Variants in TENM2 observed in about 807,000 individuals in gnomAD.
TENM2 encodes teneurin-2.
In TENM2, 52 loss-of-function variants were observed where a neutral mutation model predicts 245.2. That is an observed-to-expected ratio of 0.21 (90% CI 0.17 to 0.27). TENM2 has a LOEUF of 0.27. Ranked by LOEUF, TENM2 falls within the 10% of genes least tolerant of loss-of-function variation. The pLI, the probability that TENM2 is intolerant of heterozygous loss-of-function variation, is 1.00. For missense variants in TENM2, 3,046 were observed against 3,666.8 expected, an observed-to-expected ratio of 0.83 and a Z score of 4.37; for synonymous variants, 1,363 against 1,438.9, an observed-to-expected ratio of 0.95 and a Z score of 1.19.
the TENM2 span, among the ~76,000 whole-genome samples, chr5:167,254,394 A>T: frequency 9.2e-5 from 14 of 152,272 alleles, no homozygotes; most frequent in East Asian, 2.7e-3. Context: ...TGTGCGTCAC[A>T]TGGAGATGAA....
At chr5:168,055,879 C>T (rs1470069524) in intron 6 of TENM2, among the ~76,000 whole-genome samples, 2 of 152,174 alleles carry the variant, frequency 1.3e-5, no homozygotes, top group Admixed American at 1.3e-4. Flanking sequence ...GGATTCAAAC[C>T]CAGGCTGACT....
At chr5:167,499,997 G>A (rs961245148) in intron 2 of TENM2, among the ~76,000 whole-genome samples, 1 of 127,304 alleles carries the variant, frequency 7.9e-6, no homozygotes, top group African/African-American at 3.0e-5. Context: ...TGTATGTGAG[G>A]GTGTATGTGT....
At chr5:167,828,666 T>A (rs896645930) in intron 2 of TENM2, among the ~76,000 whole-genome samples, 3 of 152,200 alleles carry the variant, frequency 2.0e-5, no homozygotes, top group Non-Finnish European at 2.9e-5. Context: ...CGAAAAAATA[T>A]ATTTATTTTT....
the TENM2 span, among the ~76,000 whole-genome samples, chr5:167,066,554 C>G: frequency 1.3e-5 from 2 of 148,536 alleles, no homozygotes; most frequent in Non-Finnish European, 3.0e-5. Context: ...ACAACAGTCC[C>G]CGGAGTGTGA....
At chr5:168,064,610 C>T (rs1790335938) in intron 7 of TENM2, among the ~76,000 whole-genome samples, 1 of 152,216 alleles carries the variant, frequency 6.6e-6, no homozygotes, top group Non-Finnish European at 1.5e-5. Flanking sequence ...TGTGGCTACG[C>T]CACACTGTCC....
At chr5:167,634,945 G>A (rs1779100836) in intron 2 of TENM2, among the ~76,000 whole-genome samples, 1 of 152,008 alleles carries the variant, frequency 6.6e-6, no homozygotes, top group Non-Finnish European at 1.5e-5. Context: ...TCAGTTGATG[G>A]GTCCATGGTT....
intron 5 of TENM2, among the ~76,000 whole-genome samples, chr5:168,037,168 C>CT (rs529505301): frequency 2.6e-3 from 390 of 152,144 alleles, no homozygotes; most frequent in Non-Finnish European, 4.5e-3. Context: ...TAATACAGGA[C>CT]TTTTTTTTAT....
intron 1 of TENM2, among the ~76,000 whole-genome samples, chr5:167,293,368 A>AT (rs199972172): frequency 0.023 from 3,057 of 130,460 alleles, 45 homozygotes; most frequent in African/African-American, 0.042. Context: ...TGTCCGGCTA[A>AT]TTTTTTTTTT....
At chr5:167,166,848 G>A in the TENM2 span, among the ~76,000 whole-genome samples, 1 of 152,132 alleles carries the variant, frequency 6.6e-6, no homozygotes, top group Admixed American at 6.5e-5. Context: ...AGCACAGGGA[G>A]TCAGAGAATA....
chr5:168,080,884 A>G (rs1387456748), intron 7 of TENM2, among the ~76,000 whole-genome samples: 1 of 152,142 alleles, frequency 6.6e-6, no homozygotes, highest in African/African-American at 2.4e-5. Flanking sequence ...GTGTGATGTG[A>G]TGCTGAGAAG....
chr5:167,769,160 G>C (rs1444976176), intron 2 of TENM2, among the ~76,000 whole-genome samples: 6 of 152,148 alleles, frequency 3.9e-5, no homozygotes. Flanking sequence ...AGCTCATCTA[G>C]ACAAGTTTAT....
intron 2 of TENM2, among the ~76,000 whole-genome samples, chr5:167,831,661 A>T (rs1768507325): frequency 6.6e-6 from 1 of 152,006 alleles, no homozygotes; most frequent in African/African-American, 2.4e-5. Flanking sequence ...GGAAATAAGA[A>T]CCTTGCGGAC....
At chr5:168,004,424 A>G (rs1424265840) in intron 5 of TENM2, among the ~76,000 whole-genome samples, 1 of 151,986 alleles carries the variant, frequency 6.6e-6, no homozygotes, top group African/African-American at 2.4e-5. Flanking sequence ...TGCTGAGGCC[A>G]TGGCTAGTGG....
chr5:167,427,534 TGGGAAGGAA>T (rs1763910962), intron 2 of TENM2, among the ~76,000 whole-genome samples: 1 of 39,452 alleles, frequency 2.5e-5, no homozygotes, highest in South Asian at 1.0e-3. Context: ...GAGGGAAGGA[TGGGAAGGAA>T]GGGAAGGACG....
chr5:167,982,273 C>T (rs1447260199), intron 4 of TENM2, among the ~76,000 whole-genome samples: 2 of 152,260 alleles, frequency 1.3e-5, no homozygotes, highest in African/African-American at 4.8e-5. Context: ...TTATTGTTTA[C>T]CTGGATGTGA....
chr5:168,158,394 G>A (rs998903399), intron 12 of TENM2, among the ~76,000 whole-genome samples: 14 of 151,996 alleles, frequency 9.2e-5, no homozygotes, highest in African/African-American at 3.1e-4. Context: ...GATATAGTAC[G>A]CCCCGATTGT....
At chr5:167,215,639 G>A in the TENM2 span, among the ~76,000 whole-genome samples, 1 of 152,198 alleles carries the variant, frequency 6.6e-6, no homozygotes, top group African/African-American at 2.4e-5. Flanking sequence ...CATAGGGGAT[G>A]TAGTCCAATG....
At chr5:167,047,754 A>T in the TENM2 span, among the ~76,000 whole-genome samples, 1 of 152,174 alleles carries the variant, frequency 6.6e-6, no homozygotes, top group Admixed American at 6.5e-5. Flanking sequence ...GACTGTTATC[A>T]TAGTAAGTCT....
At chr5:167,921,211 GT>G (rs940932749) in intron 3 of TENM2, among the ~76,000 whole-genome samples, 1 of 152,160 alleles carries the variant, frequency 6.6e-6, no homozygotes, top group Non-Finnish European at 1.5e-5. Flanking sequence ...GAGAAGTTGT[GT>G]GATAAATTAT....
Sources: gnomAD v4.1 joint callset for allele counts (sites outside exome capture counted in the v4.1 genomes callset) on GRCh38, gnomAD v4.1.1 for gene constraint, MANE v1.5 for transcripts, NCBI Gene and HGNC (gene_info 2026-07-23, HGNC 2026-07-21) for gene names.